Variants in BRINP2 observed in about 807,000 individuals in gnomAD.
The protein encoded by BRINP2 is BMP/retinoic acid-inducible neural-specific protein 2.
In BRINP2, 21 loss-of-function variants were observed where a neutral mutation model predicts 69.2. The observed-to-expected ratio is 0.30, with a 90% confidence interval of 0.22 to 0.44. BRINP2 has a LOEUF of 0.44. BRINP2 is among the 20% of genes least tolerant of loss of function. The pLI, the probability that BRINP2 is intolerant of heterozygous loss-of-function variation, is 1.00. For missense variants in BRINP2, 877 were observed against 986.0 expected (o/e 0.89, Z 1.48); for synonymous variants, 380 against 394.1 (o/e 0.96, Z 0.42).
At chr1:177,237,595 G>A (rs1316448777) in intron 2 of BRINP2, among the ~76,000 whole-genome samples, 1 of 152,170 alleles carries the variant, frequency 6.6e-6, no homozygotes, top group Non-Finnish European at 1.5e-5. Context: ...GAGAAAATGT[G>A]AAAATAAAAA....
chr1:177,207,076 C>T (rs12083725), intron 1 of BRINP2, among the ~76,000 whole-genome samples: 16,022 of 152,140 alleles, frequency 0.11, 1,613 homozygotes, highest in African/African-American at 0.26. Context: ...ACTAGCACAT[C>T]AGGCCTTTCA....
At chr1:177,185,727 C>T (rs764989150) in intron 1 of BRINP2, among the ~76,000 whole-genome samples, 5 of 152,126 alleles carry the variant, frequency 3.3e-5, no homozygotes, top group African/African-American at 1.2e-4. Context: ...GCTCATAATT[C>T]CCTAGAGATT....
intron 2 of BRINP2, among the ~76,000 whole-genome samples, chr1:177,249,314 G>A (rs1445946614): frequency 8.5e-5 from 13 of 152,134 alleles, no homozygotes; most frequent in Admixed American, 8.5e-4. Flanking sequence ...GATGGAAAAT[G>A]GACTGAATTT....
intron 3 of BRINP2, 70 bp downstream of exon 3, chr1:177,256,179 C>G (rs1001511261): frequency 9.8e-6 from 15 of 1,535,802 alleles, no homozygotes; most frequent in Non-Finnish European, 3.5e-6. Flanking sequence ...ACTCGTGTAG[C>G]GTAGCTCCAA....
At chr1:177,276,008 A>G (rs1461266914) in intron 5 of BRINP2, among the ~76,000 whole-genome samples, 190 bp from the exon 6 acceptor site, 4 of 152,142 alleles carry the variant, frequency 2.6e-5, no homozygotes, top group Non-Finnish European at 5.9e-5. Flanking sequence ...ATCCTCCCCC[A>G]TCTGTCACTG....
Position 177,229,819 on chromosome 1 carries a change from C to T in BRINP2, c.-58C>T, listed in dbSNP as rs1050628511. 2 of 1,515,298 alleles carry T rather than the reference C, an allele frequency of 1.3e-6. No homozygotes were observed. Among genetic ancestry groups the T allele is most frequent in the African/African-American group, 1.4e-5 (1 of 72,206 alleles). 93.9% of individuals were successfully genotyped at this position (1,515,298 alleles called of 1,614,324 possible). A position where few individuals can be genotyped will look rare whatever the true frequency, so the allele number is the denominator to read the frequency against. On this transcript the variant is annotated 5_prime_UTR_variant, in exon 2 of 8. Transcript: ENST00000361539. ...TTTCCAGCTCCGAGCCCTGGAGGAG[C>T]AGCACGGAGCGGGAGAGCGTGGCGA...
Position 177,280,925 on chromosome 1 carries a change from G to A in BRINP2, c.1749G>A (p.Glu583=). The change falls in exon 8 of 8, where the codon GAG becomes GAA. Residue 583 remains glutamate, a synonymous_variant. Coordinates refer to ENST00000361539, the MANE Select transcript of BRINP2 (RefSeq NM_021165.4). ...QICLTKNSTL[E]PVMAIYVNPF... is the part of the protein sequence containing the mutation. ...GTCTCACCAAGAACAGCACCCTGGA[G>A]CCTGTCATGGCCATCTACGTCAACC... The A allele has an allele frequency of 6.2e-7, 1 of 1,614,198 alleles. No individual in the cohort carries two copies. Among genetic ancestry groups the A allele is most frequent in the Non-Finnish European group, 8.5e-7 (1 of 1,180,032 alleles).
Position 177,187,160 on chromosome 1 carries a change from C to T in BRINP2, c.-77+15428C>T, listed in dbSNP as rs74917214. ...CTTTGGAAAATCAGCCTTCCCAGTG[C>T]CTTTTCCCCTTCTACCCCAAATTTT... On this transcript the variant is annotated intron_variant, in intron 1 of 7. Transcript: ENST00000361539. Among the ~76,000 whole-genome samples the T allele has an allele frequency of 6.9e-3, 1,050 of 152,274 alleles. 7 individuals are homozygous for T. Among genetic ancestry groups the T allele is most frequent in the African/African-American group, 0.024 (998 of 41,540 alleles).
chr1:177,215,870 A>C (rs1033094249), intron 1 of BRINP2, among the ~76,000 whole-genome samples: 1 of 152,070 alleles, frequency 6.6e-6, no homozygotes, highest in Non-Finnish European at 1.5e-5. Context: ...TAATGAATTG[A>C]TTATATAATG....
chr1:177,244,197 T>A (rs555022184), intron 2 of BRINP2, among the ~76,000 whole-genome samples: 1 of 152,338 alleles, frequency 6.6e-6, no homozygotes, highest in South Asian at 2.1e-4. Flanking sequence ...AAATATGGGA[T>A]ACTGGCTGAT....
At position 177,171,383 on chromosome 1, in the gene BRINP2, A is replaced by C. The variant is rs1253687860; in HGVS notation, c.-426A>C. ...CGCCCCGGCCCAGTGCCGAAGCCCC[A>C]CTTCAAAGATGCTCTGGGAGACCGG... On this transcript the variant is annotated 5_prime_UTR_variant, in exon 1 of 8. Transcript: ENST00000361539. The C allele has an allele frequency of 1.3e-5, 2 of 153,848 alleles. No individual in the cohort carries two copies. Among genetic ancestry groups the C allele is most frequent in the Non-Finnish European group, 2.9e-5 (2 of 68,754 alleles). 9.5% of individuals were successfully genotyped at this position (153,848 alleles called of 1,614,324 possible).
At chr1:177,271,275 AG>A (rs894880652) in intron 4 of BRINP2, among the ~76,000 whole-genome samples, 2 of 152,222 alleles carry the variant, frequency 1.3e-5, no homozygotes, top group African/African-American at 4.8e-5. Context: ...CTGCATTGTA[AG>A]GATAATCAAA....
chr1:177,259,452 G>T (rs6674400), intron 4 of BRINP2, among the ~76,000 whole-genome samples: 84,723 of 152,022 alleles, frequency 0.56, 24,310 homozygotes, highest in South Asian at 0.64. Context: ...CAGATCTAGC[G>T]AAGATCATTG....
intron 1 of BRINP2, among the ~76,000 whole-genome samples, chr1:177,181,759 C>T (rs190200991): frequency 6.2e-4 from 94 of 152,296 alleles, no homozygotes; most frequent in African/African-American, 2.1e-3. Flanking sequence ...CCTGCACACG[C>T]CTCTTCTTTC....
chr1:177,174,869 A>G (rs1648041332), intron 1 of BRINP2, among the ~76,000 whole-genome samples: 1 of 152,180 alleles, frequency 6.6e-6, no homozygotes, highest in South Asian at 2.1e-4. Context: ...TAGACATTGA[A>G]AATTATCTGG....
intron 1 of BRINP2, among the ~76,000 whole-genome samples, chr1:177,204,443 A>C (rs1002133951): frequency 1.3e-5 from 2 of 151,968 alleles, no homozygotes; most frequent in Non-Finnish European, 2.9e-5. Flanking sequence ...GAATGACTTG[A>C]TGTAGAAGGA....
chr1:177,174,885 C>T (rs148446574), intron 1 of BRINP2, among the ~76,000 whole-genome samples: 299 of 152,290 alleles, frequency 2.0e-3, no homozygotes, highest in African/African-American at 6.5e-3. Context: ...TCTGGCCTTC[C>T]ACCCATCCTC....
intron 4 of BRINP2, among the ~76,000 whole-genome samples, chr1:177,269,294 A>G (rs1191531020): frequency 6.6e-6 from 1 of 152,254 alleles, no homozygotes; most frequent in Non-Finnish European, 1.5e-5. Context: ...ACCAAATGAT[A>G]CAGAGCACAG....
intron 1 of BRINP2, among the ~76,000 whole-genome samples, chr1:177,220,377 A>T (rs995984875): frequency 6.6e-6 from 1 of 152,062 alleles, no homozygotes; most frequent in Non-Finnish European, 1.5e-5. Flanking sequence ...TCCTTTGGTG[A>T]TAAGTGAGCT....
Sources: gnomAD v4.1 joint callset for allele counts (sites outside exome capture counted in the v4.1 genomes callset) on GRCh38, gnomAD v4.1.1 for gene constraint, MANE v1.5 for transcripts, NCBI Gene and HGNC (gene_info 2026-07-23, HGNC 2026-07-21) for gene names.